CCDC141: variants seen among roughly 807,000 people sequenced by gnomAD.
The protein encoded by CCDC141 is coiled-coil domain containing 141.
A neutral mutation model predicts 181.0 loss-of-function variants in CCDC141; 168 were observed. The observed-to-expected ratio is 0.93, with a 90% CI of 0.82 to 1.05. CCDC141 has a LOEUF of 1.05. CCDC141 is among the 50% of genes least tolerant of loss of function. The pLI is 0.00. For synonymous variants in CCDC141, 666 were observed against 642.3 expected (o/e 1.04, Z -0.56); for missense variants, 1,902 against 1,788.5 (o/e 1.06, Z -1.14).
chr2:178,850,235 A>G (rs1204276664), intron 20 of CCDC141, 74 bp from the exon 21 acceptor site: 9 of 758,560 alleles, frequency 1.2e-5, no homozygotes, highest in Non-Finnish European at 2.1e-5. Flanking sequence ...GTATAAATTC[A>G]TCTCCCTGTC....
chr2:178,853,900 G>A (rs552030379), intron 19 of CCDC141, among the ~76,000 whole-genome samples: 6 of 152,252 alleles, frequency 3.9e-5, no homozygotes, highest in African/African-American at 1.4e-4. Context: ...TACCTTCTTA[G>A]GTTTGCCTAA....
the CCDC141 span, among the ~76,000 whole-genome samples, chr2:178,818,482 T>C: frequency 1.3e-5 from 2 of 152,188 alleles, no homozygotes; most frequent in Non-Finnish European, 2.9e-5. Flanking sequence ...CCTGTGTCCA[T>C]CTGTTCTCAT....
At chr2:178,892,154 C>A (rs546716509) in intron 8 of CCDC141, among the ~76,000 whole-genome samples, 12 of 152,254 alleles carry the variant, frequency 7.9e-5, no homozygotes, top group Admixed American at 5.9e-4. Flanking sequence ...AAAGACTGCC[C>A]AATTTCTTCT....
intron 2 of CCDC141, among the ~76,000 whole-genome samples, chr2:179,018,312 T>C (rs2042599543): frequency 6.6e-6 from 1 of 152,144 alleles, no homozygotes; most frequent in Non-Finnish European, 1.5e-5. Context: ...CTGGAGTCTA[T>C]CTGTAACATA....
intron 5 of CCDC141, among the ~76,000 whole-genome samples, chr2:178,946,436 G>A (rs1244179452): frequency 1.3e-5 from 2 of 152,072 alleles, no homozygotes; most frequent in African/African-American, 4.8e-5. Context: ...AAAGTAAAGT[G>A]GATCACGAAT....
chr2:178,974,911 A>T, intron 4 of CCDC141, 146 bp downstream of exon 4: 1 of 458,240 alleles, frequency 2.2e-6, no homozygotes, highest in African/African-American at 1.9e-5. Context: ...GAAGATGATT[A>T]AAAATGAAGC....
chr2:179,030,214 AC>A (rs1489722432), intron 2 of CCDC141, among the ~76,000 whole-genome samples: 3 of 152,176 alleles, frequency 2.0e-5, no homozygotes, highest in Non-Finnish European at 4.4e-5. Context: ...AATACCAAAA[AC>A]AATTTTTAAG....
At chr2:178,836,701 A>G in intron 23 of CCDC141, 193 bp downstream of exon 23, 2 of 568,462 alleles carry the variant, frequency 3.5e-6, no homozygotes. Flanking sequence ...GTTACCTTTT[A>G]TTTTTCTTAA....
At chr2:178,853,761 A>C in intron 19 of CCDC141, 137 bp from the exon 20 acceptor site, 1 of 640,016 alleles carries the variant, frequency 1.6e-6, no homozygotes, top group Non-Finnish European at 2.6e-6. Flanking sequence ...AGTCATAATA[A>C]AGAAAATATT....
intron 22 of CCDC141, among the ~76,000 whole-genome samples, chr2:178,842,237 T>A (rs1575118875): frequency 6.6e-6 from 1 of 152,210 alleles, no homozygotes; most frequent in East Asian, 1.9e-4. Context: ...TCTGCTTTTC[T>A]TATATCAAAT....
intron 6 of CCDC141, among the ~76,000 whole-genome samples, chr2:178,931,935 G>A (rs538903886): frequency 2.0e-5 from 3 of 152,128 alleles, no homozygotes; most frequent in Non-Finnish European, 4.4e-5. Context: ...GGAGGCTGAG[G>A]AGGGCAGTTC....
intron 14 of CCDC141, among the ~76,000 whole-genome samples, chr2:178,870,902 G>A (rs1367769258): frequency 3.3e-5 from 5 of 152,134 alleles, no homozygotes; most frequent in African/African-American, 9.7e-5. Context: ...TCAGGGTCAG[G>A]AACATGACTC....
At chr2:179,041,218 G>C (rs890551270) in intron 2 of CCDC141, among the ~76,000 whole-genome samples, 4 of 152,116 alleles carry the variant, frequency 2.6e-5, no homozygotes, top group African/African-American at 9.7e-5. Context: ...AGCCTCCAGA[G>C]TAGCTGGGAC....
At chr2:178,981,657 T>TATATATATAC (rs1553495348) in intron 2 of CCDC141, among the ~76,000 whole-genome samples, 1 of 132,062 alleles carries the variant, frequency 7.6e-6, no homozygotes, top group African/African-American at 2.9e-5. Flanking sequence ...TATATATATA[T>TATATATATAC]ACATACATAT....
intron 8 of CCDC141, among the ~76,000 whole-genome samples, chr2:178,893,462 T>G (rs1166761126): frequency 6.6e-6 from 1 of 152,154 alleles, no homozygotes; most frequent in Non-Finnish European, 1.5e-5. Flanking sequence ...CTGAACCAGA[T>G]GGTAAGCACT....
the CCDC141 span, chr2:178,817,424 C>A: frequency 1.5e-5 from 7 of 456,776 alleles, no homozygotes; most frequent in Non-Finnish European, 3.1e-5. Flanking sequence ...TTCCTAGAAT[C>A]AGAAAGACTC....
chr2:178,878,075 A>C lies in CCDC141; in HGVS notation c.1788T>G (p.Asp596Glu), dbSNP rs754874495. The C allele has an allele frequency of 1.9e-6, 3 of 1,613,796 alleles. No homozygotes were observed. Among genetic ancestry groups the C allele is most frequent in the Non-Finnish European group, 2.5e-6 (3 of 1,179,864 alleles). ...ETEIPQKEQDDAKAKHCSDSA... is the reference protein window; with the variant it reads ...ETEIPQKEQDEAKAKHCSDSA... ...AGTCAGAACAATGCTTGGCTTTAGC[A>C]TCATCCTGCTCCTTCTGAGGGATTT... The change falls in exon 12 of 24, where the codon GAT (aspartate) becomes GAG (glutamate). Residue 596 changes from aspartate (D) to glutamate (E), a missense_variant. By Grantham distance (45) the Asp-to-Glu change is conservative. Coordinates refer to ENST00000443758, the MANE Select transcript of CCDC141 (RefSeq NM_173648.4).
At chr2:178,882,600 G>A (rs968923897) in intron 11 of CCDC141, among the ~76,000 whole-genome samples, 7 of 151,796 alleles carry the variant, frequency 4.6e-5, no homozygotes, top group African/African-American at 7.3e-5. Flanking sequence ...TTTCAGGGAC[G>A]TATGAGTTAA....
chr2:178,969,777 C>T (rs537988602), intron 4 of CCDC141, among the ~76,000 whole-genome samples: 5 of 152,168 alleles, frequency 3.3e-5, no homozygotes. Context: ...CTGGCCAGGG[C>T]AGTCAGGCAA....
Sources: gnomAD v4.1 joint callset for allele counts (sites outside exome capture counted in the v4.1 genomes callset) on GRCh38, gnomAD v4.1.1 for gene constraint, MANE v1.5 for transcripts, NCBI Gene and HGNC (gene_info 2026-07-23, HGNC 2026-07-21) for gene names.